Variants in PLA2G10 observed in about 807,000 individuals in gnomAD.
PLA2G10 encodes the protein group 10 secretory phospholipase A2.
PLA2G10 carries 9 observed loss-of-function variants against 7.9 expected under a neutral mutation model. That is an observed-to-expected ratio of 1.14 (90% CI 0.68 to 1.98). The LOEUF is 1.98. Ranked by LOEUF, PLA2G10 falls within the 30% of genes most tolerant of loss-of-function variation. PLA2G10 has a pLI of 0.00. For synonymous variants in PLA2G10, 19 were observed against 27.5 expected (o/e 0.69, Z 0.97); for missense variants, 53 against 65.4 (o/e 0.81, Z 0.66).
chr16:14,683,937 G>C (rs1052709939), intron 3 of PLA2G10, among the ~76,000 whole-genome samples: 2 of 152,160 alleles, frequency 1.3e-5, no homozygotes, highest in East Asian at 3.8e-4. Context: ...AGTATCCACA[G>C]TATATAAAGA....
intron 3 of PLA2G10, among the ~76,000 whole-genome samples, chr16:14,681,295 T>C (rs1960885867): frequency 6.6e-6 from 1 of 152,132 alleles, no homozygotes; most frequent in Non-Finnish European, 1.5e-5. Context: ...CTCTGGTCTG[T>C]TATTCCCATT....
chr16:14,679,489 A>T (rs943872510), intron 3 of PLA2G10, among the ~76,000 whole-genome samples: 2 of 151,932 alleles, frequency 1.3e-5, no homozygotes, highest in Non-Finnish European at 2.9e-5. Flanking sequence ...GAGAAAACCC[A>T]TCTCTACTAA....
chr16:14,684,337 CAA>C (rs71373100), intron 3 of PLA2G10, among the ~76,000 whole-genome samples: 7 of 39,768 alleles, frequency 1.8e-4, no homozygotes, highest in East Asian at 9.1e-4. Flanking sequence ...GACTCCATCT[CAA>C]AAAAAAAAAA....
At position 14,681,392 on chromosome 16, in the gene PLA2G10, C is replaced by G. The variant is rs199872337; in HGVS notation, c.355+6773G>C. On this transcript the variant is annotated intron_variant, in intron 3 of 3. Transcript: ENST00000438167. ...GGAAGGTGTGGACCAGGATTCCAGC[C>G]CAGGGTCTCCTGACCCAACAACGCC... 2.0e-5 allele frequency among the ~76,000 whole-genome samples: 3 copies of G among 152,128 alleles called. No individual in the cohort carries two copies. In the East Asian group the frequency reaches 5.8e-4, roughly 30 times the overall value.
At chr16:14,677,291 C>G (rs897104796) in intron 3 of PLA2G10, among the ~76,000 whole-genome samples, 6 of 152,140 alleles carry the variant, frequency 3.9e-5, no homozygotes, top group East Asian at 3.9e-4. Flanking sequence ...TCTCACAACA[C>G]AAAATGTACC....
At chr16:14,677,841 TGATG>T (rs1322615059) in intron 3 of PLA2G10, among the ~76,000 whole-genome samples, 6 of 132,474 alleles carry the variant, frequency 4.5e-5, no homozygotes, top group Non-Finnish European at 7.9e-5. Flanking sequence ...GATGGATGGG[TGATG>T]GATGGATAGA....
intron 3 of PLA2G10, among the ~76,000 whole-genome samples, chr16:14,677,168 C>T (rs1272268005): frequency 6.6e-6 from 1 of 152,116 alleles, no homozygotes; most frequent in East Asian, 1.9e-4. Context: ...TTTTTCATAA[C>T]AAACATGTAT....
chr16:14,687,755 G>C (rs1326639304), intron 3 of PLA2G10, among the ~76,000 whole-genome samples: 2 of 151,772 alleles, frequency 1.3e-5, no homozygotes, highest in East Asian at 3.9e-4. Flanking sequence ...TCAGCACTTT[G>C]GGAGGCCGAG....
At chr16:14,681,774 GACAGTTCTGTAA>G (rs1960898972) in intron 3 of PLA2G10, among the ~76,000 whole-genome samples, 1 of 151,556 alleles carries the variant, frequency 6.6e-6, no homozygotes, top group African/African-American at 2.4e-5. Context: ...GTTCAGAGAA[GACAGTTCTGTAA>G]ACAGGCACAG....
At chr16:14,682,501 G>C (rs1169847304) in intron 3 of PLA2G10, among the ~76,000 whole-genome samples, 1 of 152,050 alleles carries the variant, frequency 6.6e-6, no homozygotes, top group Non-Finnish European at 1.5e-5. Context: ...CTTGAACCTG[G>C]GAGGCAGTGA....
At chr16:14,680,061 C>T (rs1173548131) in intron 3 of PLA2G10, among the ~76,000 whole-genome samples, 3 of 151,756 alleles carry the variant, frequency 2.0e-5, no homozygotes, top group African/African-American at 7.3e-5. Context: ...TGGCTCTGTT[C>T]ACTCGATGCT....
At chr16:14,687,835 G>GA (rs538785885) in intron 3 of PLA2G10, among the ~76,000 whole-genome samples, 8,499 of 150,184 alleles carry the variant, frequency 0.057, 253 homozygotes, top group African/African-American at 0.078. Flanking sequence ...CACCTCTACT[G>GA]AAAAAATACA....
intron 3 of PLA2G10, among the ~76,000 whole-genome samples, chr16:14,683,236 G>GT (rs765772776): frequency 3.3e-3 from 452 of 135,012 alleles, no homozygotes; most frequent in Middle Eastern, 0.011. Flanking sequence ...TTCTTTTTTT[G>GT]TTTTTTTTTT....
chr16:14,676,449 G>A (rs1246092366), intron 3 of PLA2G10, among the ~76,000 whole-genome samples: 1 of 152,190 alleles, frequency 6.6e-6, no homozygotes, highest in East Asian at 1.9e-4. Flanking sequence ...GGTAGGCCGA[G>A]GTGGGCGGAT....
rs1960620947 is a variant in PLA2G10 at position 14,672,689 on chromosome 16, C to A, written c.416G>T (p.Cys139Phe). The A allele has an allele frequency of 6.2e-7, 1 of 1,613,982 alleles. No individual in the cohort carries two copies. Among genetic ancestry groups the A allele is most frequent in the Admixed American group, 1.7e-5 (1 of 59,992 alleles). The change falls in exon 4 of 4, where the codon TGC becomes TTC. Residue 139 changes from cysteine (C) to phenylalanine (F), a missense_variant. Cys to Phe is a radical substitution (Grantham distance 205). Transcript: ENST00000438167. The part of the protein sequence containing the change: ...LCKCDQEIAN[C>F]LAQTEYNLKY... ...TAAGTTGTACTCAGTTTGGGCTAAG[C>A]AGTTAGCAATCTCCTGGTCACACTT...
intron 3 of PLA2G10, among the ~76,000 whole-genome samples, chr16:14,683,611 T>A (rs1050438716): frequency 2.6e-5 from 4 of 152,106 alleles, no homozygotes; most frequent in African/African-American, 9.7e-5. Flanking sequence ...GATAACTGGA[T>A]AACAACATGC....
At chr16:14,685,701 G>A (rs1961037054) in intron 3 of PLA2G10, among the ~76,000 whole-genome samples, 1 of 152,034 alleles carries the variant, frequency 6.6e-6, no homozygotes, top group Non-Finnish European at 1.5e-5. Flanking sequence ...TTTTGTTGTT[G>A]TTGTTGTTTT....
chr16:14,683,363 G>A (rs1322682373), intron 3 of PLA2G10, among the ~76,000 whole-genome samples: 1 of 151,442 alleles, frequency 6.6e-6, no homozygotes, highest in Non-Finnish European at 1.5e-5. Context: ...CTCCTGAGTA[G>A]CTGGGACTAC....
intron 3 of PLA2G10, among the ~76,000 whole-genome samples, chr16:14,674,946 C>T (rs572025069): frequency 7.2e-5 from 11 of 151,908 alleles, no homozygotes; most frequent in Non-Finnish European, 1.5e-4. Context: ...CCAAGGCAAG[C>T]GGATCACCTG....
Sources: gnomAD v4.1 joint callset for allele counts (sites outside exome capture counted in the v4.1 genomes callset) on GRCh38, gnomAD v4.1.1 for gene constraint, MANE v1.5 for transcripts, NCBI Gene and HGNC (gene_info 2026-07-23, HGNC 2026-07-21) for gene names.